Variants in ACER3 observed in about 807,000 individuals in gnomAD.
The protein encoded by ACER3 is alkCDase 3.
ACER3 carries 16 observed loss-of-function variants against 48.9 expected under a neutral mutation model. The ratio of observed to expected loss-of-function variants is 0.33; its 90% CI spans 0.22 to 0.50. ACER3 has a LOEUF of 0.50. Ranked by LOEUF, ACER3 falls within the 20% of genes least tolerant of loss-of-function variation. The pLI, the probability that ACER3 is intolerant of heterozygous loss-of-function variation, is 0.98. For synonymous variants in ACER3, 109 were observed against 107.8 expected (o/e 1.01, Z -0.07); for missense variants, 227 against 326.0 (o/e 0.70, Z 2.34).
At chr11:76,930,053 C>T (rs372028706) in intron 2 of ACER3, among the ~76,000 whole-genome samples, 2 of 151,558 alleles carry the variant, frequency 1.3e-5, no homozygotes, top group African/African-American at 2.4e-5. Flanking sequence ...GGTACCAGCT[C>T]CTCCTTGTAC....
intron 3 of ACER3, among the ~76,000 whole-genome samples, chr11:76,960,906 A>T (rs567953734): frequency 6.6e-6 from 1 of 152,256 alleles, no homozygotes; most frequent in South Asian, 2.1e-4. Flanking sequence ...GGATGGAGAG[A>T]GTGCCACATA....
At chr11:76,928,358 C>T (rs1254595210) in intron 2 of ACER3, among the ~76,000 whole-genome samples, 2 of 151,944 alleles carry the variant, frequency 1.3e-5, no homozygotes, top group Non-Finnish European at 2.9e-5. Context: ...ATTCTGGATA[C>T]TAGCCCTTTG....
At position 76,907,755 on chromosome 11, in the gene ACER3, C is replaced by A. The variant is rs551547111; in HGVS notation, c.104-18802C>A. Among the ~76,000 whole-genome samples the A allele has an allele frequency of 4.5e-3, 683 of 152,166 alleles. 5 individuals are homozygous for A. The highest frequency in any genetic ancestry group is 7.6e-3 in the Non-Finnish European group (514 of 67,998). On this transcript the variant is annotated intron_variant, in intron 1 of 10. Coordinates refer to ENST00000532485, the MANE Select transcript of ACER3 (RefSeq NM_018367.7). ...GCATGGTGATGCATGCCTATAGTCC[C>A]AGCTTCTTGGTAGGCTGAGGCAGGA... is the stretch of plus-strand genomic sequence containing the variant.
Position 76,998,789 on chromosome 11 carries a change from A to C in ACER3, c.465A>C (p.Thr155=). Residue 155 remains threonine (T), a synonymous_variant, in exon 7 of 11, where the codon ACA becomes ACC. Coordinates refer to ENST00000532485, the MANE Select transcript of ACER3 (RefSeq NM_018367.7). ...TCATGTATGGAATGTTGGTCTTTAC[A>C]TTAGTACTTCGATCTATTTATATTG... ...HQVMYGMLVF[T]LVLRSIYIVT... is the part of the protein sequence containing the mutation. 3 of 1,598,598 alleles carry C rather than the reference A, an allele frequency of 1.9e-6. No homozygotes were observed. The highest frequency in any genetic ancestry group is 2.6e-6 in the Non-Finnish European group (3 of 1,174,274).
At chr11:76,991,886 G>A (rs148003723) in intron 6 of ACER3, among the ~76,000 whole-genome samples, 170 of 151,312 alleles carry the variant, frequency 1.1e-3, no homozygotes, top group South Asian at 2.3e-3. Flanking sequence ...TTGAAATGAT[G>A]CCATTATGTA....
chr11:76,941,684 T>A (rs1434714707), intron 2 of ACER3, among the ~76,000 whole-genome samples: 4 of 152,050 alleles, frequency 2.6e-5, no homozygotes, highest in Admixed American at 6.6e-5. Flanking sequence ...TTTTCTAATT[T>A]TGTGGAAAAT....
intron 2 of ACER3, among the ~76,000 whole-genome samples, chr11:76,943,838 G>T (rs1390021129): frequency 6.7e-6 from 1 of 149,886 alleles, no homozygotes; most frequent in Non-Finnish European, 1.5e-5. Context: ...CTCTGATGTT[G>T]GGTGCATATA....
rs1263961627 is a variant in ACER3 at position 77,025,836 on chromosome 11, G to C, written c.*5509G>C. ...CCCCTGCTCTAGACTGTCAGCAAGT[G>C]GTACAGTGGTACAGTACAGTGGTAC... On this transcript the variant is annotated 3_prime_UTR_variant, in exon 11 of 11. Coordinates refer to ENST00000532485, the MANE Select transcript of ACER3 (RefSeq NM_018367.7). The C allele has an allele frequency of 6.6e-6, 1 of 152,184 alleles. No individual in the cohort carries two copies. Among genetic ancestry groups the C allele is most frequent in the Non-Finnish European group, 1.5e-5 (1 of 68,048 alleles). The allele number at this position is 152,184 out of a possible 1,614,324, so 9.4% of individuals were successfully genotyped here. A position where few individuals can be genotyped will look rare whatever the true frequency, so the allele number is the denominator to read the frequency against.
intron 1 of ACER3, among the ~76,000 whole-genome samples, chr11:76,877,559 C>G (rs544419563): frequency 1.8e-4 from 28 of 152,032 alleles, no homozygotes; most frequent in African/African-American, 6.3e-4. Context: ...TGAGGGCAAT[C>G]TGTCTTTGTC....
chr11:76,984,921 G>A (rs1948657317), intron 4 of ACER3, among the ~76,000 whole-genome samples: 1 of 152,098 alleles, frequency 6.6e-6, no homozygotes, highest in Non-Finnish European at 1.5e-5. Flanking sequence ...CCAATAGCAG[G>A]AAGTACAGCC....
In ACER3 at chr11:76,998,665, A is replaced by G. The variant is rs1282052369; in HGVS notation, c.439-98A>G. The G allele has an allele frequency of 7.9e-6, 6 of 758,052 alleles. No individual in the cohort carries two copies. The Admixed American group carries it at 9.3e-5, about 12-fold the overall frequency. 47.0% of individuals were successfully genotyped at this position (758,052 alleles called of 1,614,324 possible). ...TAAAATGTAGTGAAGGATAATAAATATTTACATTTAATTGGGAAGGCTATT... is the reference window on the plus strand; with the variant it reads ...TAAAATGTAGTGAAGGATAATAAATGTTTACATTTAATTGGGAAGGCTATT... On this transcript the variant is annotated intron_variant, in intron 6 of 10. Transcript: ENST00000532485.
At chr11:76,973,073 T>C (rs528789689) in intron 3 of ACER3, among the ~76,000 whole-genome samples, 1 of 152,342 alleles carries the variant, frequency 6.6e-6, no homozygotes, top group African/African-American at 2.4e-5. Flanking sequence ...GCACTGTTCT[T>C]GGAGCCCTAT....
At chr11:76,875,708 T>G (rs560034639) in intron 1 of ACER3, among the ~76,000 whole-genome samples, 3 of 151,232 alleles carry the variant, frequency 2.0e-5, no homozygotes, top group Non-Finnish European at 2.9e-5. Flanking sequence ...AAATTTACAT[T>G]CAATGTAATA....
intron 1 of ACER3, among the ~76,000 whole-genome samples, chr11:76,873,609 C>G (rs9326485): frequency 0.6 from 90,665 of 152,028 alleles, 29,374 homozygotes; most frequent in Non-Finnish European, 0.74. Context: ...AGTCTCAAGT[C>G]TGTAGTTAGC....
At chr11:76,897,784 ATAGTT>A (rs1325461049) in intron 1 of ACER3, among the ~76,000 whole-genome samples, 1 of 152,216 alleles carries the variant, frequency 6.6e-6, no homozygotes, top group Admixed American at 6.5e-5. Context: ...ATGAATAATC[ATAGTT>A]TACTTGTCAG....
chr11:76,930,588 C>A (rs1290031037), intron 2 of ACER3, among the ~76,000 whole-genome samples: 1 of 151,968 alleles, frequency 6.6e-6, no homozygotes, highest in Non-Finnish European at 1.5e-5. Flanking sequence ...TTCCTGCTTT[C>A]TCTTTTGGGC....
intron 2 of ACER3, among the ~76,000 whole-genome samples, chr11:76,935,367 C>T (rs890939469): frequency 6.6e-6 from 1 of 152,052 alleles, no homozygotes; most frequent in Admixed American, 6.6e-5. Context: ...TGAAAAAAGA[C>T]TTTAATATGT....
At chr11:76,882,117 G>C (rs1945542728) in intron 1 of ACER3, among the ~76,000 whole-genome samples, 1 of 149,276 alleles carries the variant, frequency 6.7e-6, no homozygotes, top group African/African-American at 2.5e-5. Context: ...CCATTCTCCT[G>C]CCTCAGCCTC....
chr11:76,886,333 TGTGTTAGCCTTGTAGACCATG>T (rs1261949920), intron 1 of ACER3, among the ~76,000 whole-genome samples: 1 of 152,204 alleles, frequency 6.6e-6, no homozygotes, highest in East Asian at 1.9e-4. Context: ...AGGGGTTGAT[TGTGTTAGCCTTGTAGACCATG>T]GTAAAGAGAT....
Sources: gnomAD v4.1 joint callset for allele counts (sites outside exome capture counted in the v4.1 genomes callset) on GRCh38, gnomAD v4.1.1 for gene constraint, MANE v1.5 for transcripts, NCBI Gene and HGNC (gene_info 2026-07-23, HGNC 2026-07-21) for gene names.